The following ATP8A2 variants were observed in gnomAD, a reference collection of about 807,000 sequenced individuals.
ATP8A2 encodes the protein ATPase phospholipid transporting 8A2.
In ATP8A2, 100 loss-of-function variants were observed where a neutral mutation model predicts 165.6. That is an observed-to-expected ratio of 0.60 (90% CI 0.51 to 0.71). ATP8A2 has a LOEUF of 0.71. ATP8A2 is among the 30% of genes least tolerant of loss of function. The pLI is 0.00. For synonymous variants in ATP8A2, 543 were observed against 548.8 expected (o/e 0.99, Z 0.15); for missense variants, 1,227 against 1,479.5 (o/e 0.83, Z 2.80).
At chr13:25,555,479 C>T (rs1436439038) in intron 13 of ATP8A2, among the ~76,000 whole-genome samples, 3 of 152,148 alleles carry the variant, frequency 2.0e-5, no homozygotes, top group Non-Finnish European at 2.9e-5. Context: ...AATTTTGTCT[C>T]TGGAATATTC....
chr13:25,560,882 C>T (rs2039126481), intron 15 of ATP8A2, among the ~76,000 whole-genome samples: 1 of 151,230 alleles, frequency 6.6e-6, no homozygotes, highest in South Asian at 2.1e-4. Flanking sequence ...CAGGTTTTTA[C>T]ATTTTTTCCT....
At chr13:25,475,480 C>T (rs1463915743) in intron 2 of ATP8A2, among the ~76,000 whole-genome samples, 2 of 152,148 alleles carry the variant, frequency 1.3e-5, no homozygotes, top group Admixed American at 6.5e-5. Flanking sequence ...AGTGAGCATT[C>T]GAGTCCACGT....
In ATP8A2 at chr13:25,472,828, C is replaced by T. The variant is rs555218439; in HGVS notation, c.221+3707C>T. On this transcript the variant is annotated intron_variant, in intron 2 of 36. Transcript: ENST00000381655. ...CCTGTCCTCTCTGGAACAGAGTTCT[C>T]TCCCCTACTTTCCTCAACCCTAAGC... Among the ~76,000 whole-genome samples, 5 of 152,334 alleles carry T rather than the reference C, an allele frequency of 3.3e-5. No individual in the cohort carries two copies. In the South Asian group the frequency reaches 1.0e-3, roughly 32 times the overall value.
chr13:25,889,178 T>C (rs1953266304), intron 33 of ATP8A2, among the ~76,000 whole-genome samples: 1 of 147,388 alleles, frequency 6.8e-6, no homozygotes, highest in South Asian at 2.1e-4. Context: ...CCTGATCATT[T>C]TCCCCATTTC....
At chr13:25,505,283 T>C (rs1251764129) in intron 2 of ATP8A2, among the ~76,000 whole-genome samples, 2 of 152,060 alleles carry the variant, frequency 1.3e-5, no homozygotes, top group Non-Finnish European at 2.9e-5. Flanking sequence ...TATTGACATA[T>C]ACCCTTCATT....
intron 25 of ATP8A2, among the ~76,000 whole-genome samples, chr13:25,739,293 A>G (rs918315117): frequency 6.6e-6 from 1 of 152,222 alleles, no homozygotes; most frequent in Non-Finnish European, 1.5e-5. Context: ...CTTTGAGTGT[A>G]TCTCACATAT....
At chr13:25,981,669 A>G (rs929112887) in intron 35 of ATP8A2, among the ~76,000 whole-genome samples, 2 of 152,166 alleles carry the variant, frequency 1.3e-5, no homozygotes, top group African/African-American at 2.4e-5. Context: ...AAAATATTCA[A>G]TGTATAAAAA....
chr13:25,467,128 G>A (rs1566155120), intron 1 of ATP8A2, among the ~76,000 whole-genome samples: 2 of 152,176 alleles, frequency 1.3e-5, no homozygotes, highest in African/African-American at 4.8e-5. Flanking sequence ...CCCATGGGGA[G>A]CCAGAAAGAC....
In ATP8A2 at chr13:25,386,854, G is replaced by A. The variant is rs747278963; in HGVS notation, c.76+14566G>A. Among the ~76,000 whole-genome samples, 6 of 151,644 alleles carry A rather than the reference G, an allele frequency of 4.0e-5. 1 individual carries two copies. The highest frequency in any genetic ancestry group is 2.1e-4 in the South Asian group (1 of 4,790). ...CTACTAAAAATACAAAAAAGTAGCC[G>A]GGCGTGGTGGCGGGCACCTGTAGTC... On this transcript the variant is annotated intron_variant, in intron 1 of 36. Transcript: ENST00000381655.
At chr13:25,426,064 G>T (rs556705900) in intron 1 of ATP8A2, among the ~76,000 whole-genome samples, 1 of 152,288 alleles carries the variant, frequency 6.6e-6, no homozygotes, top group African/African-American at 2.4e-5. Context: ...AAAGATCAGT[G>T]GTTGCCAGGG....
intron 16 of ATP8A2, among the ~76,000 whole-genome samples, chr13:25,570,363 G>A (rs1026344531): frequency 3.3e-5 from 5 of 152,108 alleles, no homozygotes; most frequent in Admixed American, 6.5e-5. Context: ...ACAGGGAGGC[G>A]GAAGCAGAGG....
chr13:25,654,193 C>T (rs77907984), intron 24 of ATP8A2, among the ~76,000 whole-genome samples: 5,247 of 149,180 alleles, frequency 0.035, 158 homozygotes, highest in East Asian at 0.13. Flanking sequence ...AGAGTTTTTG[C>T]TGTCATTGTT....
chr13:25,600,265 A>G (rs1007114177), intron 24 of ATP8A2, among the ~76,000 whole-genome samples: 2 of 152,160 alleles, frequency 1.3e-5, no homozygotes, highest in Non-Finnish European at 2.9e-5. Flanking sequence ...AACAAGAAGG[A>G]GCACATTTCT....
intron 33 of ATP8A2, among the ~76,000 whole-genome samples, chr13:25,904,710 C>A (rs550796984): frequency 6.6e-6 from 1 of 152,188 alleles, no homozygotes; most frequent in South Asian, 2.1e-4. Flanking sequence ...CATCTCCCCC[C>A]GGTAATTAAT....
At chr13:25,679,170 G>T (rs1178374647) in intron 24 of ATP8A2, among the ~76,000 whole-genome samples, 1 of 152,202 alleles carries the variant, frequency 6.6e-6, no homozygotes, top group Non-Finnish European at 1.5e-5. Flanking sequence ...ATGGTTGAGA[G>T]AATGGTGGCA....
intron 1 of ATP8A2, among the ~76,000 whole-genome samples, chr13:25,421,289 C>T (rs1444025679): frequency 6.6e-6 from 1 of 152,178 alleles, no homozygotes; most frequent in Non-Finnish European, 1.5e-5. Context: ...AGAAACTGTC[C>T]TTTTCACATT....
chr13:25,546,807 C>G (rs1183995584), intron 10 of ATP8A2, among the ~76,000 whole-genome samples: 1 of 152,130 alleles, frequency 6.6e-6, no homozygotes, highest in Non-Finnish European at 1.5e-5. Context: ...CCTAGTAACC[C>G]AAGCTTACAA....
At chr13:25,894,065 T>C (rs1311119226) in intron 33 of ATP8A2, among the ~76,000 whole-genome samples, 1 of 152,228 alleles carries the variant, frequency 6.6e-6, no homozygotes, top group African/African-American at 2.4e-5. Flanking sequence ...ACTTTGGCTT[T>C]TGTTACCATT....
intron 25 of ATP8A2, among the ~76,000 whole-genome samples, chr13:25,766,315 A>G (rs1316488248): frequency 6.6e-6 from 1 of 152,220 alleles, no homozygotes; most frequent in Non-Finnish European, 1.5e-5. Context: ...AGGTAAAGTC[A>G]AATAATTTAA....
Sources: gnomAD v4.1 joint callset for allele counts (sites outside exome capture counted in the v4.1 genomes callset) on GRCh38, gnomAD v4.1.1 for gene constraint, MANE v1.5 for transcripts, NCBI Gene and HGNC (gene_info 2026-07-23, HGNC 2026-07-21) for gene names.